Variants in PRKG1 observed in about 807,000 individuals in gnomAD.
PRKG1 encodes the protein protein kinase cGMP-dependent 1.
A neutral mutation model predicts 88.1 loss-of-function variants in PRKG1; 35 were observed. The observed-to-expected ratio is 0.40, with a 90% confidence interval of 0.30 to 0.53. PRKG1 has a LOEUF of 0.53. Ranked by LOEUF, PRKG1 falls within the 20% of genes least tolerant of loss-of-function variation. The pLI, the probability that PRKG1 is intolerant of heterozygous loss-of-function variation, is 0.59. For synonymous variants in PRKG1, 303 were observed against 292.5 expected, an observed-to-expected ratio of 1.04 and a Z score of -0.37; for missense variants, 540 against 839.8, an observed-to-expected ratio of 0.64 and a Z score of 4.41.
Position 51,489,199 on chromosome 10 carries a change from A to G in PRKG1, c.592+21363A>G, listed in dbSNP as rs139727532. On this transcript the variant is annotated intron_variant, in intron 3 of 17. Coordinates refer to ENST00000373980, the MANE Select transcript of PRKG1 (RefSeq NM_006258.4). The stretch of plus-strand genomic sequence containing the variant: ...AACACAGCAATTACAGCCCAATGTG[A>G]TAAGGGTACAATAGAAAAGAAGAAA... Among the ~76,000 whole-genome samples, 362 of 152,294 alleles carry G rather than the reference A, an allele frequency of 2.4e-3. 4 individuals carry two copies. Among genetic ancestry groups the G allele is most frequent in the Non-Finnish European group, 4.3e-3 (293 of 68,008 alleles).
intron 7 of PRKG1, among the ~76,000 whole-genome samples, chr10:52,070,138 A>G (rs1161477341): frequency 1.3e-5 from 2 of 152,150 alleles, no homozygotes; most frequent in African/African-American, 4.8e-5. Flanking sequence ...TTCAGACACA[A>G]CCAAAACCTA....
At chr10:52,244,694 T>C in intron 9 of PRKG1, among the ~76,000 whole-genome samples, 1 of 130,176 alleles carries the variant, frequency 7.7e-6, no homozygotes, top group East Asian at 2.6e-4. Flanking sequence ...TTAAATAATA[T>C]ATTAATAATT....
chr10:51,525,713 A>T (rs1841865415), intron 3 of PRKG1, among the ~76,000 whole-genome samples: 1 of 152,132 alleles, frequency 6.6e-6, no homozygotes, highest in Non-Finnish European at 1.5e-5. Context: ...ATAAAAAGAA[A>T]AAAAAGAAAA....
chr10:51,788,775 G>A (rs1165895817), intron 3 of PRKG1, among the ~76,000 whole-genome samples: 1 of 152,164 alleles, frequency 6.6e-6, no homozygotes, highest in Non-Finnish European at 1.5e-5. Flanking sequence ...AGAGGTATAT[G>A]ACAAAAATGG....
At chr10:51,370,102 C>T (rs968842678) in intron 2 of PRKG1, among the ~76,000 whole-genome samples, 1 of 152,060 alleles carries the variant, frequency 6.6e-6, no homozygotes, top group African/African-American at 2.4e-5. Flanking sequence ...GTGGCTGGAG[C>T]ATCATAGGGC....
intron 2 of PRKG1, among the ~76,000 whole-genome samples, chr10:51,402,867 A>G (rs1837789563): frequency 6.6e-6 from 1 of 152,202 alleles, no homozygotes; most frequent in Admixed American, 6.6e-5. Context: ...CTTACACCCA[A>G]GAAGAGGATT....
chr10:51,304,105 C>A (rs778853943), intron 2 of PRKG1, among the ~76,000 whole-genome samples: 11 of 152,076 alleles, frequency 7.2e-5, no homozygotes, highest in Admixed American at 2.0e-4. Flanking sequence ...CAGACATGAG[C>A]CACCGTGCCC....
chr10:51,938,310 T>C (rs151086733), intron 5 of PRKG1, among the ~76,000 whole-genome samples: 187 of 152,206 alleles, frequency 1.2e-3, no homozygotes, highest in African/African-American at 4.3e-3. Context: ...AATTAAACTT[T>C]ATCACAGGTA....
At chr10:52,290,479 C>T (rs144273119) in intron 17 of PRKG1, among the ~76,000 whole-genome samples, 189 bp downstream of exon 17, 250 of 152,262 alleles carry the variant, frequency 1.6e-3, no homozygotes, top group African/African-American at 5.0e-3. Flanking sequence ...GGGATAGTCA[C>T]TGTAAATGTG....
At chr10:52,113,055 C>A (rs1304830519) in intron 7 of PRKG1, among the ~76,000 whole-genome samples, 1 of 152,094 alleles carries the variant, frequency 6.6e-6, no homozygotes, top group African/African-American at 2.4e-5. Context: ...GCTTCTTTAT[C>A]TGTCAAAGTG....
chr10:51,921,244 C>T (rs1842457057), intron 5 of PRKG1, among the ~76,000 whole-genome samples: 2 of 152,022 alleles, frequency 1.3e-5, no homozygotes, highest in Non-Finnish European at 2.9e-5. Context: ...AATCAATTGA[C>T]TTTTATATAT....
intron 17 of PRKG1, among the ~76,000 whole-genome samples, chr10:52,293,355 C>G (rs921196342): frequency 1.3e-5 from 2 of 151,432 alleles, no homozygotes; most frequent in Non-Finnish European, 2.9e-5. Flanking sequence ...TTTATAGATT[C>G]AATGCCATCC....
At chr10:52,269,679 G>A (rs1022231743) in intron 10 of PRKG1, among the ~76,000 whole-genome samples, 1 of 152,006 alleles carries the variant, frequency 6.6e-6, no homozygotes, top group African/African-American at 2.4e-5. Flanking sequence ...TTTCCCCAAG[G>A]TTACATTACT....
intron 5 of PRKG1, among the ~76,000 whole-genome samples, chr10:51,967,839 G>C (rs117062419): frequency 6.6e-6 from 1 of 151,974 alleles, no homozygotes; most frequent in Non-Finnish European, 1.5e-5. Context: ...CCTTCCATAT[G>C]CCTCACCTCA....
chr10:51,810,210 A>G (rs1478602163), intron 4 of PRKG1, among the ~76,000 whole-genome samples: 4 of 152,198 alleles, frequency 2.6e-5, no homozygotes, highest in Non-Finnish European at 4.4e-5. Flanking sequence ...AAGTTCACAG[A>G]CTTTGAAGAT....
chr10:51,202,518 A>T (rs1368129252), intron 2 of PRKG1, among the ~76,000 whole-genome samples: 1 of 152,102 alleles, frequency 6.6e-6, no homozygotes, highest in East Asian at 1.9e-4. Context: ...CCTCAAGAAA[A>T]CCCCATTTTA....
chr10:51,646,638 A>T (rs1323778092), intron 3 of PRKG1, among the ~76,000 whole-genome samples: 4 of 152,138 alleles, frequency 2.6e-5, no homozygotes, highest in African/African-American at 9.6e-5. Context: ...AAATCTCTTA[A>T]AGAAGGAAAG....
At chr10:51,863,403 C>A (rs1840937027) in intron 4 of PRKG1, among the ~76,000 whole-genome samples, 1 of 152,178 alleles carries the variant, frequency 6.6e-6, no homozygotes, top group African/African-American at 2.4e-5. Context: ...TACTGCCTGA[C>A]TATGCTTAAA....
At chr10:51,667,673 T>C (rs1439308592) in intron 3 of PRKG1, among the ~76,000 whole-genome samples, 1 of 152,214 alleles carries the variant, frequency 6.6e-6, no homozygotes, top group Non-Finnish European at 1.5e-5. Flanking sequence ...TCTAGTCTTG[T>C]CCATGTGTTA....
Sources: gnomAD v4.1 joint callset for allele counts (sites outside exome capture counted in the v4.1 genomes callset) on GRCh38, gnomAD v4.1.1 for gene constraint, MANE v1.5 for transcripts, NCBI Gene and HGNC (gene_info 2026-07-23, HGNC 2026-07-21) for gene names.